Variants in NR4A1 observed in about 807,000 individuals in gnomAD.
The protein encoded by NR4A1 is nuclear receptor subfamily 4immunitygroup A member 1.
Under a neutral mutation model 47.5 loss-of-function variants are expected in NR4A1, and 24 were observed. That is an observed-to-expected ratio of 0.50 (90% CI 0.37 to 0.71). The LOEUF (loss-of-function observed/expected upper bound fraction) is 0.71, where lower values mean the gene tolerates loss of function less well. Ranked by LOEUF, NR4A1 falls within the 30% of genes least tolerant of loss-of-function variation. The pLI is 0.00. For synonymous variants in NR4A1, 353 were observed against 345.7 expected (o/e 1.02, Z -0.24); for missense variants, 669 against 788.6 (o/e 0.85, Z 1.82).
chr12:52,038,404 TG>T, intron 1 of NR4A1: 1 of 289,640 alleles, frequency 3.5e-6, no homozygotes, highest in East Asian at 8.1e-5. Flanking sequence ...ATAGATGACC[TG>T]GGGATGGGAG....
intron 6 of NR4A1, 63 bp from the exon 7 acceptor site, chr12:52,058,625 G>A (rs1939395330): frequency 1.4e-6 from 2 of 1,468,782 alleles, no homozygotes; most frequent in East Asian, 2.5e-5. Context: ...GGGGCCTGGG[G>A]GAGGCTGGGG....
At chr12:52,046,115 C>A (rs951758719) in intron 2 of NR4A1, among the ~76,000 whole-genome samples, 1 of 152,204 alleles carries the variant, frequency 6.6e-6, no homozygotes. Context: ...GAAAGTAGGG[C>A]AAGTTCCTGA....
At chr12:52,055,873 C>A in intron 2 of NR4A1, 157 bp from the exon 3 acceptor site, 1 of 432,034 alleles carries the variant, frequency 2.3e-6, no homozygotes, top group Non-Finnish European at 4.1e-6. Context: ...CCAACCCCGT[C>A]TCTCCCTCCC....
chr12:52,036,916 T>A (rs1938252516), intron 1 of NR4A1, among the ~76,000 whole-genome samples: 1 of 152,152 alleles, frequency 6.6e-6, no homozygotes, highest in Non-Finnish European at 1.5e-5. Context: ...TCGGAAGGTG[T>A]GAGCGAGACC....
upstream of NR4A1, among the ~76,000 whole-genome samples, chr12:52,048,667 GTGC>G (rs1938776888): frequency 6.6e-6 from 1 of 152,148 alleles, no homozygotes; most frequent in Non-Finnish European, 1.5e-5. Flanking sequence ...GGCAAAGTGG[GTGC>G]TAGGTGAGGA....
upstream of NR4A1, among the ~76,000 whole-genome samples, chr12:52,048,418 C>G (rs988460623): frequency 6.6e-6 from 1 of 151,944 alleles, no homozygotes; most frequent in Non-Finnish European, 1.5e-5. Context: ...CACAGTGAAA[C>G]CCCGTCTCTG....
At chr12:52,056,762 A>G in intron 4 of NR4A1, 117 bp downstream of exon 4, 2 of 1,124,694 alleles carry the variant, frequency 1.8e-6, no homozygotes, top group Non-Finnish European at 2.5e-6. Context: ...GGTTTAAAAA[A>G]GAAAGAAAGA....
In NR4A1 at chr12:52,043,005, G is replaced by T. The variant is rs565232523; in HGVS notation, c.37+1076G>T. On this transcript the variant is annotated intron_variant, in intron 2 of 7. Transcript: ENST00000360284. Reference sequence around the variant, plus strand: ...CTCATGGGGGGTCAGCGTTCAGGGTGCAGAGAGCCCCAGAGAGGTGGCTGG... The same window carrying T: ...CTCATGGGGGGTCAGCGTTCAGGGTTCAGAGAGCCCCAGAGAGGTGGCTGG... Among the ~76,000 whole-genome samples the T allele has an allele frequency of 7.9e-5, 12 of 152,282 alleles. 2 individuals carry two copies. The South Asian group carries it at 2.5e-3, about 32-fold the overall frequency.
chr12:52,058,918 A>T lies in NR4A1; in HGVS notation c.1771A>T (p.Ile591Phe), dbSNP rs1319867864. The T allele has an allele frequency of 1.2e-6, 2 of 1,612,998 alleles. No individual in the cohort carries two copies. The highest frequency in any genetic ancestry group is 8.5e-7 in the Non-Finnish European group (1 of 1,179,228). The change falls in exon 7 of 7, where the codon ATC (isoleucine) becomes TTC (phenylalanine). Residue 591 changes from isoleucine (I) to phenylalanine (F), a missense_variant. By Grantham distance (21) the Ile-to-Phe change is conservative. Transcript: ENST00000394825. ...LVPPPPIIDK[I>F]FMDTLPF ...GCCCCCTCCACCCATCATTGACAAGATCTTCATGGACACGCTGCCCTTCTG... is the reference window on the plus strand; with the variant it reads ...GCCCCCTCCACCCATCATTGACAAGTTCTTCATGGACACGCTGCCCTTCTG...
chr12:52,045,126 A>C (rs566945903), intron 2 of NR4A1, among the ~76,000 whole-genome samples: 13 of 152,326 alleles, frequency 8.5e-5, no homozygotes, highest in African/African-American at 3.1e-4. Context: ...GGGTAGAGCC[A>C]CATCTCTGGG....
chr12:52,055,216 C>T lies in NR4A1; in HGVS notation c.876+12C>T. 2 of 1,609,942 alleles carry T rather than the reference C, an allele frequency of 1.2e-6. No homozygotes were observed. The highest frequency in any genetic ancestry group is 1.7e-6 in the Non-Finnish European group (2 of 1,179,978). On this transcript the variant is annotated intron_variant, in intron 2 of 6. Coordinates refer to ENST00000394825, the MANE Select transcript of NR4A1 (RefSeq NM_173157.3). ...AGGGCTTCTTCAAGGTACCGCGCAGCCCCAGGTGGGGCCTTTTGTTGGAAA... is the reference window on the plus strand; with the variant it reads ...AGGGCTTCTTCAAGGTACCGCGCAGTCCCAGGTGGGGCCTTTTGTTGGAAA...
At chr12:52,044,559 T>A (rs543821317) in intron 2 of NR4A1, among the ~76,000 whole-genome samples, 8 of 152,182 alleles carry the variant, frequency 5.3e-5, no homozygotes, top group African/African-American at 1.7e-4. Flanking sequence ...CAAAAAAAAA[T>A]TTTCCCCTTT....
intron 1 of NR4A1, among the ~76,000 whole-genome samples, chr12:52,033,259 C>G (rs1201710392): frequency 6.6e-6 from 1 of 152,126 alleles, no homozygotes; most frequent in African/African-American, 2.4e-5. Context: ...GCGGGCCCCT[C>G]AGGGAGGACC....
At chr12:52,028,554 C>T (rs1261674249) in intron 1 of NR4A1, among the ~76,000 whole-genome samples, 2 of 149,964 alleles carry the variant, frequency 1.3e-5, no homozygotes, top group Non-Finnish European at 3.0e-5. Context: ...AGCCTCGTGA[C>T]AGAGCAAGAC....
At chr12:52,051,930 A>G (rs1938979616) in intron 1 of NR4A1, among the ~76,000 whole-genome samples, 1 of 152,158 alleles carries the variant, frequency 6.6e-6, no homozygotes. Flanking sequence ...GTGGGGGAAC[A>G]GGTACACAGA....
chr12:52,054,270 C>G (rs930394472), intron 1 of NR4A1, 57 bp from the exon 2 acceptor site: 8 of 1,449,760 alleles, frequency 5.5e-6, no homozygotes, highest in Non-Finnish European at 7.5e-6. Context: ...TGAGACAAGG[C>G]TATAGGCTTG....
intron 1 of NR4A1, among the ~76,000 whole-genome samples, chr12:52,034,904 C>G (rs954716684): frequency 1.3e-5 from 2 of 152,186 alleles, no homozygotes. Flanking sequence ...TGCCAGACTC[C>G]GCTTCATGCT....
chr12:52,043,791 T>TCTCCCC, intron 2 of NR4A1: 1 of 1,287,930 alleles, frequency 7.8e-7, no homozygotes, highest in Non-Finnish European at 1.0e-6. Context: ...GCAGCACGTC[T>TCTCCCC]CTCCCCACAG....
rs1939112799 is a variant in NR4A1, at chr12:52,054,030, A to G, written c.-2-297A>G. Reference sequence around the variant, plus strand: ...ACACAGCTTCCCCCTGTTCTAGCAGAGAAATGCTGGCTGTATGCCTCCCCT... The same window carrying G: ...ACACAGCTTCCCCCTGTTCTAGCAGGGAAATGCTGGCTGTATGCCTCCCCT... On this transcript the variant is annotated intron_variant, in intron 1 of 6. Coordinates refer to ENST00000394825, the MANE Select transcript of NR4A1 (RefSeq NM_173157.3). 1.5e-5 allele frequency: 6 copies of G among 401,000 alleles called. No individual in the cohort carries two copies. In the South Asian group the frequency reaches 3.1e-4, roughly 21 times the overall value. The allele number at this position is 401,000 out of a possible 1,614,324, so 24.8% of individuals were successfully genotyped here.
Sources: gnomAD v4.1 joint callset for allele counts (sites outside exome capture counted in the v4.1 genomes callset) on GRCh38, gnomAD v4.1.1 for gene constraint, MANE v1.5 for transcripts, NCBI Gene and HGNC (gene_info 2026-07-23, HGNC 2026-07-21) for gene names.